BMAL2: variants seen among roughly 807,000 people sequenced by gnomAD.
BMAL2 encodes the protein basic helix-loop-helix ARNT-like protein 2.
the BMAL2 span, among the ~76,000 whole-genome samples, chr12:27,411,278 C>G: frequency 1.3e-5 from 2 of 151,912 alleles, no homozygotes; most frequent in African/African-American, 4.8e-5. Flanking sequence ...CAGGGGCACA[C>G]CACCACACCT....
At chr12:27,417,245 A>G in the BMAL2 span, among the ~76,000 whole-genome samples, 2 of 152,226 alleles carry the variant, frequency 1.3e-5, no homozygotes, top group Admixed American at 1.3e-4. Context: ...CTGTAACTAT[A>G]TAACAGTATA....
chr12:27,420,042 C>CACAA, the BMAL2 span, among the ~76,000 whole-genome samples: 1 of 151,804 alleles, frequency 6.6e-6, no homozygotes, highest in African/African-American at 2.4e-5. Context: ...CACACACACA[C>CACAA]ACACACAAAC....
At chr12:27,338,810 T>C in the BMAL2 span, among the ~76,000 whole-genome samples, 1 of 152,196 alleles carries the variant, frequency 6.6e-6, no homozygotes, top group African/African-American at 2.4e-5. Flanking sequence ...TTATGGCATA[T>C]TTCTGATCAG....
the BMAL2 span, among the ~76,000 whole-genome samples, chr12:27,398,917 G>A: frequency 2.0e-5 from 3 of 151,952 alleles, no homozygotes; most frequent in African/African-American, 7.3e-5. Context: ...ACTTTTATTC[G>A]TACTTACTCA....
chr12:27,346,140 A>C, the BMAL2 span, among the ~76,000 whole-genome samples: 2 of 152,070 alleles, frequency 1.3e-5, no homozygotes, highest in African/African-American at 2.4e-5. Context: ...TCCGAATCCA[A>C]CTCATACTAA....
chr12:27,358,052 G>C, the BMAL2 span, among the ~76,000 whole-genome samples: 1 of 151,682 alleles, frequency 6.6e-6, no homozygotes, highest in African/African-American at 2.4e-5. Flanking sequence ...AAATAGATGA[G>C]ACTTAATTAA....
chr12:27,379,646 C>A, the BMAL2 span, among the ~76,000 whole-genome samples: 1 of 152,066 alleles, frequency 6.6e-6, no homozygotes, highest in Non-Finnish European at 1.5e-5. Flanking sequence ...AGGATCTTCG[C>A]TGGGACAGTT....
chr12:27,348,686 T>A, the BMAL2 span, among the ~76,000 whole-genome samples: 1 of 152,130 alleles, frequency 6.6e-6, no homozygotes, highest in Non-Finnish European at 1.5e-5. Flanking sequence ...TAGGAAGAAA[T>A]AGAGATTTAA....
the BMAL2 span, chr12:27,403,614 G>C: frequency 1.1e-6 from 1 of 897,494 alleles, no homozygotes; most frequent in Non-Finnish European, 1.7e-6. Flanking sequence ...ACAAAAATCA[G>C]TAGCCTTCCT....
chr12:27,357,707 A>G, the BMAL2 span, among the ~76,000 whole-genome samples: 1 of 152,212 alleles, frequency 6.6e-6, no homozygotes, highest in Non-Finnish European at 1.5e-5. Context: ...ACCCAGAAAT[A>G]AAGCCAAATA....
the BMAL2 span, chr12:27,424,455 C>A: frequency 1.3e-5 from 2 of 152,064 alleles, no homozygotes; most frequent in Non-Finnish European, 2.9e-5. Flanking sequence ...GAAACAAAGA[C>A]AAACAGGAAA....
the BMAL2 span, among the ~76,000 whole-genome samples, chr12:27,364,882 G>C: frequency 2.0e-5 from 3 of 151,956 alleles, no homozygotes; most frequent in African/African-American, 7.2e-5. Flanking sequence ...TAGATACTCT[G>C]TATTTTTGAG....
chr12:27,373,948 CA>C, the BMAL2 span, among the ~76,000 whole-genome samples: 1 of 151,842 alleles, frequency 6.6e-6, no homozygotes, highest in Admixed American at 6.6e-5. Context: ...GATTATAGAC[CA>C]AATTTACTAA....
chr12:27,409,056 C>T, the BMAL2 span, among the ~76,000 whole-genome samples: 3,887 of 152,162 alleles, frequency 0.026, 81 homozygotes, highest in Non-Finnish European at 0.036. Context: ...AGGACCTCTT[C>T]AAGGAGAACT....
chr12:27,340,277 A>G, the BMAL2 span, among the ~76,000 whole-genome samples: 1 of 152,190 alleles, frequency 6.6e-6, no homozygotes, highest in Non-Finnish European at 1.5e-5. Flanking sequence ...TGGCTTTTGT[A>G]TATGGCATAA....
At chr12:27,414,703 A>C in the BMAL2 span, among the ~76,000 whole-genome samples, 5 of 152,186 alleles carry the variant, frequency 3.3e-5, no homozygotes, top group Non-Finnish European at 5.9e-5. Flanking sequence ...TAAGAAAAAA[A>C]CCCTAGCTTT....
the BMAL2 span, among the ~76,000 whole-genome samples, chr12:27,376,138 G>A: frequency 6.6e-6 from 1 of 152,166 alleles, no homozygotes; most frequent in East Asian, 1.9e-4. Context: ...TATGGGAATG[G>A]TGTTGCCTGT....
chr12:27,391,686 C>G, the BMAL2 span, among the ~76,000 whole-genome samples: 1 of 152,188 alleles, frequency 6.6e-6, no homozygotes, highest in Non-Finnish European at 1.5e-5. Context: ...TTTCTTATCT[C>G]TATTTTAGAA....
chr12:27,362,437 A>G, the BMAL2 span, among the ~76,000 whole-genome samples: 3 of 152,280 alleles, frequency 2.0e-5, no homozygotes, highest in South Asian at 4.1e-4. Context: ...CTTTATTGTG[A>G]GATCTATTAT....
Sources: gnomAD v4.1 joint callset for allele counts (sites outside exome capture counted in the v4.1 genomes callset) on GRCh38, gnomAD v4.1.1 for gene constraint, MANE v1.5 for transcripts, NCBI Gene and HGNC (gene_info 2026-07-23, HGNC 2026-07-21) for gene names.